THOC7: variants seen among roughly 807,000 people sequenced by gnomAD.
THOC7 encodes the protein THO complex subunit 7.
Under a neutral mutation model 33.1 loss-of-function variants are expected in THOC7, and 22 were observed. The ratio of observed to expected loss-of-function variants is 0.66; its 90% CI spans 0.47 to 0.95. The LOEUF is 0.95. Among genes scored for constraint, THOC7 ranks in the 40% least tolerant of loss-of-function variants. THOC7 has a pLI of 0.00. For synonymous variants in THOC7, 77 were observed against 76.8 expected, an observed-to-expected ratio of 1.00 and a Z score of -0.01; for missense variants, 184 against 245.3, an observed-to-expected ratio of 0.75 and a Z score of 1.67.
intron 1 of THOC7, among the ~76,000 whole-genome samples, chr3:63,850,006 C>G (rs1172941238): frequency 6.6e-6 from 1 of 152,208 alleles, no homozygotes; most frequent in Non-Finnish European, 1.5e-5. Context: ...AACTGCAAAT[C>G]AGGATGAGAA....
At chr3:63,862,884 C>T (rs747080982) in intron 1 of THOC7, among the ~76,000 whole-genome samples, 4 of 152,128 alleles carry the variant, frequency 2.6e-5, no homozygotes, top group Admixed American at 6.5e-5. Context: ...CACCTTATTT[C>T]CGCTCTCAGT....
At chr3:63,852,494 A>T (rs572050081) in intron 1 of THOC7, among the ~76,000 whole-genome samples, 1 of 152,172 alleles carries the variant, frequency 6.6e-6, no homozygotes, top group Admixed American at 6.5e-5. Flanking sequence ...CCTTCTTCTC[A>T]CCCCAGGCAG....
At chr3:63,844,087 A>G (rs941519640) in intron 1 of THOC7, among the ~76,000 whole-genome samples, 6 of 152,222 alleles carry the variant, frequency 3.9e-5, no homozygotes, top group Non-Finnish European at 7.3e-5. Flanking sequence ...GCTAGGTGAA[A>G]TAAGGCAGGC....
At chr3:63,841,962 CTG>C (rs1362354278) in intron 1 of THOC7, among the ~76,000 whole-genome samples, 2 of 152,130 alleles carry the variant, frequency 1.3e-5, no homozygotes, top group African/African-American at 4.8e-5. Context: ...GGATCTCCAA[CTG>C]TATTGAGGAC....
At chr3:63,863,845 C>A, upstream of THOC7, 2 of 1,219,174 alleles carry the variant, frequency 1.6e-6, no homozygotes, top group South Asian at 4.0e-5. Context: ...CGGCGGTTGG[C>A]GGCGGCGGAG....
At chr3:63,834,800 T>A (rs1701595401) in intron 7 of THOC7, among the ~76,000 whole-genome samples, 1 of 152,140 alleles carries the variant, frequency 6.6e-6, no homozygotes, top group South Asian at 2.1e-4. Flanking sequence ...CACTACTCAG[T>A]GGGTATGCAA....
intron 4 of THOC7, 68 bp downstream of exon 4, chr3:63,837,908 T>C (rs2107121540): frequency 2.8e-6 from 4 of 1,440,784 alleles, no homozygotes; most frequent in Middle Eastern, 3.6e-4. Flanking sequence ...CCTCACAACA[T>C]TAAAAACTGC....
Position 63,845,200 on chromosome 3 carries a change from T to C in THOC7, c.20-5427A>G, listed in dbSNP as rs527982608. The C allele has an allele frequency of 1.6e-4, 76 of 481,378 alleles. No individual in the cohort carries two copies. In the South Asian group the frequency reaches 3.1e-3, roughly 20 times the overall value. 29.8% of individuals were successfully genotyped at this position (481,378 alleles called of 1,614,324 possible). ...CTTTAAGTATTTAAGCTCGCTGATA[T>C]CTTTGGCTTTGGGGGTATCAAGATT... On this transcript the variant is annotated intron_variant, in intron 1 of 7. Coordinates refer to ENST00000295899, the MANE Select transcript of THOC7 (RefSeq NM_025075.4).
At chr3:63,840,399 C>G (rs1701731515) in intron 1 of THOC7, among the ~76,000 whole-genome samples, 1 of 151,962 alleles carries the variant, frequency 6.6e-6, no homozygotes, top group Non-Finnish European at 1.5e-5. Flanking sequence ...TGAGACCAGC[C>G]TGACCAACAC....
chr3:63,851,210 T>G (rs1702015251), intron 1 of THOC7, among the ~76,000 whole-genome samples: 1 of 152,186 alleles, frequency 6.6e-6, no homozygotes, highest in Non-Finnish European at 1.5e-5. Flanking sequence ...ATGGTATGTC[T>G]TTAGCTGGAA....
At chr3:63,846,757 T>C (rs1340829650) in intron 1 of THOC7, among the ~76,000 whole-genome samples, 1 of 152,112 alleles carries the variant, frequency 6.6e-6, no homozygotes, top group Non-Finnish European at 1.5e-5. Context: ...TACCAACTAG[T>C]ATATGTGTTG....
chr3:63,851,139 G>C (rs1575812636), intron 1 of THOC7, among the ~76,000 whole-genome samples: 1 of 152,152 alleles, frequency 6.6e-6, no homozygotes, highest in African/African-American at 2.4e-5. Context: ...AGTCTCCCTG[G>C]TGTACTGTAT....
chr3:63,836,460 T>G, intron 4 of THOC7, 102 bp from the exon 5 acceptor site: 1 of 1,057,350 alleles, frequency 9.5e-7, no homozygotes, highest in Non-Finnish European at 1.4e-6. Flanking sequence ...ACTTTCCTAG[T>G]ACATCAAGAA....
intron 1 of THOC7, among the ~76,000 whole-genome samples, chr3:63,847,035 G>T (rs1490619725): frequency 1.3e-5 from 2 of 152,048 alleles, no homozygotes; most frequent in East Asian, 3.9e-4. Flanking sequence ...CTAGTAGGAG[G>T]GCTAGAACGC....
upstream of THOC7, chr3:63,863,846 G>C: frequency 8.2e-7 from 1 of 1,220,282 alleles, no homozygotes; most frequent in Non-Finnish European, 1.0e-6. Context: ...GGCGGTTGGC[G>C]GCGGCGGAGG....
intron 1 of THOC7, chr3:63,863,214 G>A (rs1231503294): frequency 3.9e-5 from 6 of 154,146 alleles, no homozygotes; most frequent in Admixed American, 1.3e-4. Flanking sequence ...TTCCCAATAT[G>A]CCCCAGGACC....
At chr3:63,846,622 C>T (rs1256726541) in intron 1 of THOC7, among the ~76,000 whole-genome samples, 1 of 152,042 alleles carries the variant, frequency 6.6e-6, no homozygotes, top group Non-Finnish European at 1.5e-5. Flanking sequence ...GTTGGCCAGG[C>T]TGGTTCTCAA....
chr3:63,838,460 T>G lies in THOC7; in HGVS notation c.177A>C (p.Gln59His). ...AAGTTTTGCCCATTGAAAATTCACATTGAGACAGCGTGCTCAGCATACGTT... is the reference window on the plus strand; with the variant it reads ...AAGTTTTGCCCATTGAAAATTCACAGTGAGACAGCGTGCTCAGCATACGTT... ...QYQRMLSTLSQCEFSMGKTLL... is the reference protein window; with the variant it reads ...QYQRMLSTLSHCEFSMGKTLL... The change falls in exon 3 of 8, where the codon CAA (glutamine) becomes CAC (histidine). Residue 59 changes from glutamine to histidine, a missense_variant. Physicochemically the swap from Gln to His is conservative, Grantham distance 24. This residue lies in a region of THOC7 where 157 missense variants were observed against 201.3 expected (regional missense o/e 0.78). Coordinates refer to ENST00000295899, the MANE Select transcript of THOC7 (RefSeq NM_025075.4). 1.2e-6 allele frequency: 2 copies of G among 1,610,584 alleles called. No homozygotes were observed. The highest frequency in any genetic ancestry group is 1.7e-6 in the Non-Finnish European group (2 of 1,179,014).
chr3:63,841,635 C>T (rs1432300072), intron 1 of THOC7, among the ~76,000 whole-genome samples: 1 of 152,166 alleles, frequency 6.6e-6, no homozygotes, highest in Non-Finnish European at 1.5e-5. Flanking sequence ...ATGGCTTTGA[C>T]AGACTGCTCA....
Sources: gnomAD v4.1 joint callset for allele counts (sites outside exome capture counted in the v4.1 genomes callset) on GRCh38, gnomAD v4.1.1 for gene constraint, gnomAD v4.1.1 regional missense constraint, MANE v1.5 for transcripts, NCBI Gene and HGNC (gene_info 2026-07-23, HGNC 2026-07-21) for gene names.